HDAC4: variants seen among roughly 807,000 people sequenced by gnomAD.
HDAC4 encodes histone deacetylase A.
A neutral mutation model predicts 135.1 loss-of-function variants in HDAC4; 16 were observed. The ratio of observed to expected loss-of-function variants is 0.12; its 90% CI spans 0.08 to 0.18. The LOEUF (loss-of-function observed/expected upper bound fraction) is 0.18, where lower values mean the gene tolerates loss of function less well. Among genes scored for constraint, HDAC4 ranks in the 10% least tolerant of loss-of-function variants. The pLI is 1.00. For synonymous variants in HDAC4, 685 were observed against 653.4 expected, an observed-to-expected ratio of 1.05 and a Z score of -0.74; for missense variants, 1,143 against 1,511.8, an observed-to-expected ratio of 0.76 and a Z score of 4.05.
At chr2:239,190,560 A>G (rs539938084) in intron 3 of HDAC4, among the ~76,000 whole-genome samples, 4 of 152,330 alleles carry the variant, frequency 2.6e-5, no homozygotes, top group Non-Finnish European at 5.9e-5. Flanking sequence ...TGCCGCTGTG[A>G]GAGCCACAAG....
intron 9 of HDAC4, among the ~76,000 whole-genome samples, chr2:239,135,700 G>A (rs971531715): frequency 6.6e-6 from 1 of 152,202 alleles, no homozygotes; most frequent in African/African-American, 2.4e-5. Context: ...TGCCCATGAA[G>A]CCTCCGCTGC....
chr2:239,289,974 A>T (rs1559332558), intron 2 of HDAC4, among the ~76,000 whole-genome samples: 1 of 152,266 alleles, frequency 6.6e-6, no homozygotes, highest in Non-Finnish European at 1.5e-5. Flanking sequence ...TGAGTTAAGG[A>T]AAACAAATGA....
At chr2:239,330,852 G>A (rs190083551) in intron 2 of HDAC4, among the ~76,000 whole-genome samples, 31 of 152,310 alleles carry the variant, frequency 2.0e-4, no homozygotes, top group African/African-American at 7.2e-4. Context: ...ACTAAACGTG[G>A]TATTTGTAAC....
chr2:239,054,713 G>A (rs1169105493), intron 25 of HDAC4, 36 bp downstream of exon 25: 2 of 1,351,244 alleles, frequency 1.5e-6, no homozygotes, highest in Admixed American at 1.7e-5. Context: ...ACCCCCAGGG[G>A]CGTGTCCCCT....
At chr2:239,184,322 C>T (rs1204855709) in intron 4 of HDAC4, among the ~76,000 whole-genome samples, 2 of 150,926 alleles carry the variant, frequency 1.3e-5, no homozygotes, top group Non-Finnish European at 3.0e-5. Flanking sequence ...AGGATGTGTC[C>T]TATGGTGGTG....
chr2:239,182,593 T>C (rs922772005), intron 4 of HDAC4, among the ~76,000 whole-genome samples: 8 of 151,608 alleles, frequency 5.3e-5, no homozygotes, highest in African/African-American at 1.5e-4. Context: ...CGCTGTGTGA[T>C]CTCGGCTTCG....
rs75909803 is a variant in HDAC4, at chr2:239,253,043, A to G, written c.23-16379T>C. The stretch of plus-strand genomic sequence containing the variant: ...GCAGTGTGCCTGGCAGAGCAGAGGC[A>G]CAACACACATTCCCATCACACTTCA... On this transcript the variant is annotated intron_variant, in intron 2 of 26. Transcript: ENST00000543185. Among the ~76,000 whole-genome samples the G allele has an allele frequency of 3.3e-3, 504 of 152,344 alleles. 3 individuals carry two copies. The highest frequency in any genetic ancestry group is 0.012 in the African/African-American group (484 of 41,592).
At chr2:239,150,586 C>T (rs1186934940) in intron 7 of HDAC4, among the ~76,000 whole-genome samples, 2 of 141,854 alleles carry the variant, frequency 1.4e-5, no homozygotes, top group South Asian at 2.3e-4. Context: ...CCTTCACATA[C>T]AGCAGCAGGA....
intron 1 of HDAC4, among the ~76,000 whole-genome samples, chr2:239,394,380 T>C (rs913652018): frequency 1.6e-4 from 24 of 152,204 alleles, no homozygotes. Context: ...AATAATGTCA[T>C]TAATTCTAAT....
intron 3 of HDAC4, among the ~76,000 whole-genome samples, chr2:239,193,482 C>T (rs974830834): frequency 2.0e-5 from 3 of 152,232 alleles, no homozygotes; most frequent in Non-Finnish European, 2.9e-5. Context: ...CGCCGAGGAG[C>T]ACAGGAGCTG....
chr2:239,397,274 C>T (rs1270920022), intron 1 of HDAC4, among the ~76,000 whole-genome samples: 4 of 152,322 alleles, frequency 2.6e-5, no homozygotes, highest in Middle Eastern at 3.4e-3. Flanking sequence ...CCATTTCATT[C>T]TACCCCCAGT....
chr2:239,099,329 C>A (rs1156511278), intron 16 of HDAC4, among the ~76,000 whole-genome samples: 1 of 152,246 alleles, frequency 6.6e-6, no homozygotes. Context: ...GCGCACAGAA[C>A]TGCGTGTGTG....
Position 239,374,386 on chromosome 2 carries a change from C to CTTTTT in HDAC4, c.-219-21473_-219-21469dup, listed in dbSNP as rs755538495. On this transcript the variant is annotated intron_variant, in intron 1 of 26. Transcript: ENST00000543185. ...CACCCCAGATGAATAGAAAACAAGG[C>CTTTTT]TTTTTTTTTTTTTTTTTTTTTTTTT... 5.1e-3 allele frequency among the ~76,000 whole-genome samples: 292 copies of CTTTTT among 56,710 alleles called. 38 individuals carry two copies. The highest frequency in any genetic ancestry group is 6.0e-3 in the Non-Finnish European group (201 of 33,554). 37.2% of individuals were successfully genotyped at this position (56,710 alleles called of 152,430 possible).
chr2:239,172,134 T>C (rs941598894), intron 5 of HDAC4, among the ~76,000 whole-genome samples: 1 of 152,028 alleles, frequency 6.6e-6, no homozygotes, highest in African/African-American at 2.4e-5. Context: ...CAAAATAGTA[T>C]ATAAATTAAG....
chr2:239,103,854 C>T (rs555659084), intron 15 of HDAC4, among the ~76,000 whole-genome samples: 1 of 152,384 alleles, frequency 6.6e-6, no homozygotes, highest in East Asian at 1.9e-4. Context: ...CGCATTGCAC[C>T]TGGGGGTCCT....
At position 239,233,188 on chromosome 2, in the gene HDAC4, AAAAG is replaced by A. The variant is rs1252242781; in HGVS notation, c.94+3401_94+3404del. Among the ~76,000 whole-genome samples the A allele has an allele frequency of 8.5e-5, 13 of 152,378 alleles. 1 individual carries two copies. The South Asian group carries it at 2.1e-3, about 24-fold the overall frequency. ...AATTAAAATTTTTAAAACATTTTAA[AAAAG>A]AAAGAGAACAAAGTCTACAGATAAA... On this transcript the variant is annotated intron_variant, in intron 3 of 26. Transcript: ENST00000543185.
intron 19 of HDAC4, among the ~76,000 whole-genome samples, chr2:239,086,172 G>A (rs1232670202): frequency 2.6e-5 from 1 of 37,994 alleles, no homozygotes; most frequent in Non-Finnish European, 4.8e-5. Flanking sequence ...CCCTGTACAC[G>A]AAGGAGACTC....
chr2:239,210,911 C>T (rs779317590), intron 3 of HDAC4, among the ~76,000 whole-genome samples: 13 of 152,170 alleles, frequency 8.5e-5, no homozygotes, highest in East Asian at 1.9e-4. Context: ...ATTCCTTCGC[C>T]GGCCAACTCT....
intron 12 of HDAC4, among the ~76,000 whole-genome samples, chr2:239,120,672 C>T (rs913775594): frequency 5.3e-5 from 8 of 151,452 alleles, no homozygotes; most frequent in Non-Finnish European, 1.2e-4. Flanking sequence ...AGAGGGGACC[C>T]TGTGGGGCTG....
Sources: allele counts gnomAD v4.1 joint callset (sites outside exome capture counted in the v4.1 genomes callset), GRCh38; gene constraint gnomAD v4.1.1; transcripts MANE v1.5; gene names NCBI Gene and HGNC (gene_info 2026-07-23, HGNC 2026-07-21).